Variants in C9 observed in about 807,000 individuals in gnomAD.
C9 encodes complement component C9.
Under a neutral mutation model 65.4 loss-of-function variants are expected in C9, and 63 were observed. The ratio of observed to expected loss-of-function variants is 0.96; its 90% CI spans 0.79 to 1.19. C9 has a LOEUF of 1.19. Ranked by LOEUF, C9 falls within the 50% of genes most tolerant of loss-of-function variation. The pLI is 0.00. For missense variants in C9, 744 were observed against 670.1 expected (o/e 1.11, Z -1.22); for synonymous variants, 229 against 227.9 (o/e 1.00, Z -0.04).
intron 1 of C9, among the ~76,000 whole-genome samples, chr5:39,358,838 A>G (rs1243658665): frequency 6.6e-6 from 1 of 151,088 alleles, no homozygotes; most frequent in African/African-American, 2.4e-5. Flanking sequence ...ACAAAAAATT[A>G]GCCGGGCGTG....
chr5:39,324,090 T>C (rs532588045), intron 5 of C9, among the ~76,000 whole-genome samples: 24 of 152,154 alleles, frequency 1.6e-4, no homozygotes, highest in African/African-American at 5.5e-4. Flanking sequence ...ATAAAACACT[T>C]AGGAATAAAT....
intron 5 of C9, 37 bp downstream of exon 5, chr5:39,331,639 A>C (rs1400137783): frequency 1.2e-6 from 2 of 1,604,686 alleles, no homozygotes; most frequent in African/African-American, 1.3e-5. Context: ...TTTTCAGCCA[A>C]AAGTTGAACA....
intron 9 of C9, among the ~76,000 whole-genome samples, chr5:39,305,629 C>G (rs1753359792): frequency 6.6e-6 from 1 of 151,994 alleles, no homozygotes; most frequent in Admixed American, 6.6e-5. Flanking sequence ...AAAATGCATA[C>G]TAGTTTTAGG....
chr5:39,328,559 G>A (rs764884804), intron 5 of C9, among the ~76,000 whole-genome samples: 1 of 152,186 alleles, frequency 6.6e-6, no homozygotes, highest in Non-Finnish European at 1.5e-5. Context: ...CTGGATTGTA[G>A]GAGGAATGGA....
At chr5:39,306,336 G>A (rs765342946) in intron 9 of C9, among the ~76,000 whole-genome samples, 9 of 152,024 alleles carry the variant, frequency 5.9e-5, no homozygotes, top group Non-Finnish European at 1.2e-4. Context: ...AAGCAATTTC[G>A]TTAAATTCTC....
chr5:39,320,321 A>T (rs545803047), intron 5 of C9, among the ~76,000 whole-genome samples: 1 of 152,298 alleles, frequency 6.6e-6, no homozygotes, highest in African/African-American at 2.4e-5. Flanking sequence ...GAAAGAAAGC[A>T]TAAAAAAACA....
At chr5:39,358,257 G>A (rs1320360039) in intron 1 of C9, among the ~76,000 whole-genome samples, 1 of 152,226 alleles carries the variant, frequency 6.6e-6, no homozygotes, top group Non-Finnish European at 1.5e-5. Context: ...GAAGGTGATA[G>A]TCCATTAAGG....
At chr5:39,357,675 G>A (rs1754435407) in intron 1 of C9, among the ~76,000 whole-genome samples, 1 of 152,186 alleles carries the variant, frequency 6.6e-6, no homozygotes, top group Non-Finnish European at 1.5e-5. Flanking sequence ...GACTGGAGTT[G>A]GGAGGGAGGG....
In C9 at chr5:39,359,102, G is replaced by GTGTGTGTATATATATATATATATA. The variant is rs1407613505; in HGVS notation, c.77+5285_77+5286insTATATATATATATATATACACACA. Among the ~76,000 whole-genome samples the GTGTGTGTATATATATATATATATA allele has an allele frequency of 2.5e-3, 264 of 103,610 alleles. 2 individuals are homozygous for GTGTGTGTATATATATATATATATA. The highest frequency in any genetic ancestry group is 4.3e-3 in the Admixed American group (39 of 9,032). 68.0% of individuals were successfully genotyped at this position (103,610 alleles called of 152,430 possible). On this transcript the variant is annotated intron_variant, in intron 1 of 10. Transcript: ENST00000263408. ...TGTATATATATATGTGTGTGTGTGT[G>GTGTGTGTATATATATATATATATA]TATATATATATATATATATATATGT... is the stretch of plus-strand genomic sequence containing the variant.
At chr5:39,340,574 C>T (rs1754058296) in intron 4 of C9, among the ~76,000 whole-genome samples, 1 of 152,210 alleles carries the variant, frequency 6.6e-6, no homozygotes, top group Non-Finnish European at 1.5e-5. Flanking sequence ...CTGTCCAGAG[C>T]CCCTAGGTTT....
intron 1 of C9, among the ~76,000 whole-genome samples, chr5:39,347,086 G>GCA (rs1354636489): frequency 3.3e-5 from 5 of 152,168 alleles, no homozygotes; most frequent in African/African-American, 1.2e-4. Context: ...GCAAAAACTG[G>GCA]AAGCATTCCC....
intron 1 of C9, among the ~76,000 whole-genome samples, chr5:39,348,516 A>G (rs1000519334): frequency 6.6e-6 from 1 of 152,176 alleles, no homozygotes; most frequent in African/African-American, 2.4e-5. Context: ...AAAAGTCAGG[A>G]AACAACTGGT....
intron 1 of C9, among the ~76,000 whole-genome samples, chr5:39,360,604 AAGAC>A (rs1291111234): frequency 2.0e-5 from 3 of 152,216 alleles, no homozygotes; most frequent in Non-Finnish European, 2.9e-5. Flanking sequence ...ATGTAAGAGA[AAGAC>A]AGGAGACTCA....
intron 1 of C9, among the ~76,000 whole-genome samples, chr5:39,362,203 A>T (rs1163381610): frequency 6.6e-6 from 1 of 152,214 alleles, no homozygotes; most frequent in East Asian, 1.9e-4. Flanking sequence ...TAAGTGTCAA[A>T]TAAGACTGGG....
intron 4 of C9, among the ~76,000 whole-genome samples, chr5:39,334,567 G>T (rs1233067382): frequency 2.7e-5 from 4 of 148,382 alleles, no homozygotes; most frequent in East Asian, 2.0e-4. Context: ...GGAGGGAGGT[G>T]GGGGGGTCAG....
intron 9 of C9, among the ~76,000 whole-genome samples, chr5:39,294,652 C>T (rs1037681057): frequency 5.9e-5 from 9 of 151,724 alleles, no homozygotes; most frequent in Non-Finnish European, 1.3e-4. Flanking sequence ...AGAATTAACA[C>T]TAATTCTTCT....
intron 1 of C9, among the ~76,000 whole-genome samples, chr5:39,343,587 C>T (rs1231339657): frequency 6.6e-6 from 1 of 152,236 alleles, no homozygotes; most frequent in Non-Finnish European, 1.5e-5. Context: ...CTGTAGAGTC[C>T]ACCTCTGGGG....
chr5:39,337,595 A>G (rs1753993668), intron 4 of C9, among the ~76,000 whole-genome samples: 2 of 152,274 alleles, frequency 1.3e-5, no homozygotes, highest in South Asian at 4.1e-4. Context: ...GTTCCAATTT[A>G]CCAGGTGAAC....
intron 1 of C9, among the ~76,000 whole-genome samples, chr5:39,359,773 T>A (rs1754481490): frequency 6.6e-6 from 1 of 152,204 alleles, no homozygotes; most frequent in Non-Finnish European, 1.5e-5. Context: ...TTGACTGAGT[T>A]GTAATTGCCA....
Sources: allele counts gnomAD v4.1 joint callset (sites outside exome capture counted in the v4.1 genomes callset), GRCh38; gene constraint gnomAD v4.1.1; transcripts MANE v1.5; gene names NCBI Gene and HGNC (gene_info 2026-07-23, HGNC 2026-07-21).